The following GNA14 variants were observed in gnomAD, a reference collection of about 807,000 sequenced individuals.
GNA14 encodes the protein G protein subunit alpha 14.
In GNA14, 50 loss-of-function variants were observed where a neutral mutation model predicts 42.0. The observed-to-expected ratio is 1.19, with a 90% CI of 0.95 to 1.51. The LOEUF is 1.51. Ranked by LOEUF, GNA14 falls within the 40% of genes most tolerant of loss-of-function variation. The pLI is 0.00. For missense variants in GNA14, 473 were observed against 446.2 expected (o/e 1.06, Z -0.54); for synonymous variants, 173 against 163.1 (o/e 1.06, Z -0.46).
intron 2 of GNA14, among the ~76,000 whole-genome samples, chr9:77,512,587 A>G (rs34893926): frequency 0.015 from 2,337 of 152,336 alleles, 22 homozygotes; most frequent in Non-Finnish European, 0.022. Flanking sequence ...AGAAAATAAC[A>G]TATCTGTAAC....
chr9:77,621,027 A>G (rs1231924860), intron 1 of GNA14, among the ~76,000 whole-genome samples: 1 of 151,938 alleles, frequency 6.6e-6, no homozygotes. Context: ...TCCACCTCCC[A>G]GGCTCAAGTG....
In GNA14 at chr9:77,647,696, C is replaced by T. The variant is rs1455672718; in HGVS notation, c.98G>A (p.Arg33His). Residue 33 changes from arginine (R) to histidine (H), a missense_variant, in exon 1 of 7, where the codon CGC becomes CAC. Coordinates refer to ENST00000341700, the MANE Select transcript of GNA14 (RefSeq NM_004297.4). ...RQLRRDKKDARRELKLLLLGT... is the reference protein window; with the variant it reads ...RQLRRDKKDAHRELKLLLLGT... ...CAGCAGCAGCAGCTTAAGCTCACGG[C>T]GCGCGTCCTTCTTGTCCCGACGAAG... 2 of 1,609,948 alleles carry T rather than the reference C, an allele frequency of 1.2e-6. No individual in the cohort carries two copies. The highest frequency in any genetic ancestry group is 1.7e-6 in the Non-Finnish European group (2 of 1,178,580).
At chr9:77,635,577 A>G (rs190571653) in intron 1 of GNA14, among the ~76,000 whole-genome samples, 122 of 152,310 alleles carry the variant, frequency 8.0e-4, no homozygotes, top group Non-Finnish European at 1.6e-3. Context: ...AAAAAGAGAG[A>G]AAAGTAAATT....
intron 2 of GNA14, among the ~76,000 whole-genome samples, chr9:77,467,650 CTTTTT>C (rs3052383): frequency 7.9e-5 from 11 of 139,662 alleles, no homozygotes; most frequent in Non-Finnish European, 1.1e-4. Flanking sequence ...CGGAGCTCTC[CTTTTT>C]TTTTTTTTTT....
intron 2 of GNA14, among the ~76,000 whole-genome samples, chr9:77,480,905 A>AT (rs759839799): frequency 2.4e-4 from 36 of 152,088 alleles, no homozygotes; most frequent in Non-Finnish European, 4.6e-4. Context: ...TCCCTTTATC[A>AT]TTTTTTTATT....
intron 1 of GNA14, among the ~76,000 whole-genome samples, chr9:77,568,962 C>T (rs1413686221): frequency 6.6e-6 from 1 of 152,188 alleles, no homozygotes; most frequent in Admixed American, 6.5e-5. Flanking sequence ...GGTGTCTCTG[C>T]TACTCGATAT....
At chr9:77,480,845 G>A (rs1402456261) in intron 2 of GNA14, among the ~76,000 whole-genome samples, 3 of 152,122 alleles carry the variant, frequency 2.0e-5, no homozygotes, top group Admixed American at 6.5e-5. Context: ...AGAGGTGTTT[G>A]TAGTATTCTC....
chr9:77,447,906 T>C (rs181705387), intron 2 of GNA14, among the ~76,000 whole-genome samples: 1 of 152,240 alleles, frequency 6.6e-6, no homozygotes, highest in Admixed American at 6.5e-5. Flanking sequence ...TGTGTTCAGG[T>C]GGAAGGTGGA....
At chr9:77,637,152 GA>G (rs1292617174) in intron 1 of GNA14, among the ~76,000 whole-genome samples, 2 of 152,054 alleles carry the variant, frequency 1.3e-5, no homozygotes, top group African/African-American at 4.8e-5. Context: ...ACTTCTTGAA[GA>G]AAAAAATAGT....
chr9:77,555,656 T>C (rs1822762116), intron 1 of GNA14, among the ~76,000 whole-genome samples: 1 of 152,168 alleles, frequency 6.6e-6, no homozygotes, highest in Admixed American at 6.6e-5. Flanking sequence ...TTAAAAAATG[T>C]CAAAACTAAA....
intron 2 of GNA14, among the ~76,000 whole-genome samples, chr9:77,493,669 T>C (rs1275660527): frequency 1.3e-5 from 2 of 152,242 alleles, no homozygotes; most frequent in Non-Finnish European, 2.9e-5. Flanking sequence ...TTATTCTGGT[T>C]ACTATTAATT....
chr9:77,489,889 A>T (rs1033779848), intron 2 of GNA14, among the ~76,000 whole-genome samples: 1 of 152,060 alleles, frequency 6.6e-6, no homozygotes, highest in Non-Finnish European at 1.5e-5. Flanking sequence ...AAGCTTCCAC[A>T]ATGTGGAAGG....
intron 4 of GNA14, among the ~76,000 whole-genome samples, chr9:77,431,119 T>C (rs1429853887): frequency 1.3e-5 from 2 of 151,694 alleles, no homozygotes; most frequent in African/African-American, 4.8e-5. Flanking sequence ...AAACCCTTTT[T>C]CTCCAAGGGT....
rs112745164 is a variant in GNA14, at chr9:77,633,660, C to T, written c.124+14010G>A. On this transcript the variant is annotated intron_variant, in intron 1 of 6. Coordinates refer to ENST00000341700, the MANE Select transcript of GNA14 (RefSeq NM_004297.4). The stretch of plus-strand genomic sequence containing the variant: ...GGGTGGCAGAGAGGATGGCAAGAAG[C>T]GGGCACAGCAGATATTTGCCCCCAT... 6.5e-4 allele frequency among the ~76,000 whole-genome samples: 98 copies of T among 151,784 alleles called. 1 individual carries two copies. In the Middle Eastern group the frequency reaches 0.01, roughly 16 times the overall value.
At chr9:77,574,969 T>C (rs1356986127) in intron 1 of GNA14, among the ~76,000 whole-genome samples, 1 of 152,122 alleles carries the variant, frequency 6.6e-6, no homozygotes, top group African/African-American at 2.4e-5. Context: ...TGTAGAAGAG[T>C]AAATCAGCCA....
At chr9:77,495,689 A>G (rs1264615887) in intron 2 of GNA14, among the ~76,000 whole-genome samples, 2 of 152,244 alleles carry the variant, frequency 1.3e-5, no homozygotes, top group Non-Finnish European at 2.9e-5. Context: ...ACATTTTATA[A>G]TAAGTAAGAA....
Position 77,488,296 on chromosome 9 carries a change from G to C in GNA14, c.309+40773C>G, listed in dbSNP as rs148708464. Among the ~76,000 whole-genome samples the C allele has an allele frequency of 7.2e-5, 11 of 152,230 alleles. No individual in the cohort carries two copies. In the East Asian group the frequency reaches 1.7e-3, roughly 24 times the overall value. On this transcript the variant is annotated intron_variant, in intron 2 of 6. Coordinates refer to ENST00000341700, the MANE Select transcript of GNA14 (RefSeq NM_004297.4). ...CATGGAAAATTTCTGCCTGACTCAGGGTTTCTACACTGGAAAGAGTAAAAT... is the reference window on the plus strand; with the variant it reads ...CATGGAAAATTTCTGCCTGACTCAGCGTTTCTACACTGGAAAGAGTAAAAT...
intron 2 of GNA14, among the ~76,000 whole-genome samples, chr9:77,521,058 C>G (rs1224052332): frequency 6.6e-6 from 1 of 152,178 alleles, no homozygotes; most frequent in East Asian, 1.9e-4. Flanking sequence ...GCTCTGATTA[C>G]AGCAGTTTTC....
intron 1 of GNA14, among the ~76,000 whole-genome samples, chr9:77,532,073 G>A (rs1232799404): frequency 7.9e-5 from 12 of 152,106 alleles, no homozygotes; most frequent in Non-Finnish European, 1.0e-4. Context: ...CTCACCTTGC[G>A]GAGATCCTCC....
Sources: gnomAD v4.1 joint callset for allele counts (sites outside exome capture counted in the v4.1 genomes callset) on GRCh38, gnomAD v4.1.1 for gene constraint, MANE v1.5 for transcripts, NCBI Gene and HGNC (gene_info 2026-07-23, HGNC 2026-07-21) for gene names.